The following AUTS2 variants were observed in gnomAD, a reference collection of about 807,000 sequenced individuals.
The protein encoded by AUTS2 is autism susceptibility gene 2 protein.
A neutral mutation model predicts 112.4 loss-of-function variants in AUTS2; 17 were observed. The ratio of observed to expected loss-of-function variants is 0.15; its 90% CI spans 0.10 to 0.23. The LOEUF (loss-of-function observed/expected upper bound fraction) is 0.23. AUTS2 is among the 10% of genes least tolerant of loss of function. AUTS2 has a pLI of 1.00. For synonymous variants in AUTS2, 751 were observed against 702.7 expected (o/e 1.07, Z -1.09); for missense variants, 1,510 against 1,701.6 (o/e 0.89, Z 1.98).
intron 4 of AUTS2, among the ~76,000 whole-genome samples, chr7:70,335,042 G>C (rs764593884): frequency 1.3e-5 from 2 of 152,152 alleles, no homozygotes; most frequent in Non-Finnish European, 2.9e-5. Flanking sequence ...CAGGGAGACA[G>C]ATGGAACCTC....
chr7:70,789,394 GATTGCCACATC>G (rs1791727866), intron 18 of AUTS2, among the ~76,000 whole-genome samples: 1 of 152,180 alleles, frequency 6.6e-6, no homozygotes, highest in South Asian at 2.1e-4. Context: ...AGTCGGGCTG[GATTGCCACATC>G]ATTGCCTTAT....
chr7:69,872,963 C>A (rs935728465), intron 1 of AUTS2, among the ~76,000 whole-genome samples: 1 of 150,412 alleles, frequency 6.6e-6, no homozygotes. Context: ...CTGCCTCAGC[C>A]TCCCGAGTAG....
At chr7:70,486,890 T>C (rs1028742447) in intron 5 of AUTS2, among the ~76,000 whole-genome samples, 1 of 116,896 alleles carries the variant, frequency 8.6e-6, no homozygotes, top group African/African-American at 3.2e-5. Flanking sequence ...TTTTGTTGTT[T>C]TTGTATTCCC....
intron 5 of AUTS2, among the ~76,000 whole-genome samples, chr7:70,643,167 A>G (rs565338656): frequency 4.5e-4 from 68 of 152,360 alleles, no homozygotes; most frequent in Non-Finnish European, 7.3e-4. Context: ...CTTTTGCATG[A>G]CAATGATACT....
chr7:69,923,458 G>T (rs762286426), intron 2 of AUTS2, among the ~76,000 whole-genome samples: 1 of 152,068 alleles, frequency 6.6e-6, no homozygotes, highest in Non-Finnish European at 1.5e-5. Context: ...TTTCACTAGC[G>T]TATGACTTTT....
intron 5 of AUTS2, among the ~76,000 whole-genome samples, chr7:70,554,770 G>A (rs942303501): frequency 6.6e-6 from 1 of 152,150 alleles, no homozygotes; most frequent in Non-Finnish European, 1.5e-5. Context: ...AGCTGTCCAG[G>A]ACCCAGAGCT....
intron 5 of AUTS2, among the ~76,000 whole-genome samples, chr7:70,458,641 G>C (rs1021025583): frequency 6.6e-6 from 1 of 152,166 alleles, no homozygotes; most frequent in African/African-American, 2.4e-5. Context: ...CGGGAGGCAT[G>C]TTCCACCTCC....
At chr7:69,608,475 AG>A (rs1792853207) in intron 1 of AUTS2, among the ~76,000 whole-genome samples, 1 of 152,226 alleles carries the variant, frequency 6.6e-6, no homozygotes, top group Admixed American at 6.5e-5. Context: ...AGTATTTCTT[AG>A]TTGTTATGTT....
intron 1 of AUTS2, among the ~76,000 whole-genome samples, chr7:69,695,457 CAAA>C (rs1005972901): frequency 6.6e-6 from 1 of 151,776 alleles, no homozygotes; most frequent in Non-Finnish European, 1.5e-5. Context: ...AAATATAAAA[CAAA>C]AAAATTATTA....
At chr7:69,714,249 ATGTGTG>A (rs200192496) in intron 1 of AUTS2, among the ~76,000 whole-genome samples, 20 of 92,866 alleles carry the variant, frequency 2.2e-4, no homozygotes, top group Middle Eastern at 5.0e-3. Context: ...GTGTGTGTAT[ATGTGTG>A]TGTGTGTGTG....
intron 2 of AUTS2, among the ~76,000 whole-genome samples, chr7:70,073,822 A>G (rs1312933694): frequency 6.6e-6 from 1 of 152,212 alleles, no homozygotes. Context: ...GAGAATTACC[A>G]TCTAGGCCAA....
chr7:70,059,100 G>A (rs1421798853), intron 2 of AUTS2, among the ~76,000 whole-genome samples: 1 of 152,046 alleles, frequency 6.6e-6, no homozygotes, highest in Admixed American at 6.5e-5. Context: ...AATATAAAAC[G>A]GCATGTACTC....
chr7:70,788,596 C>CA (rs1424813462), intron 18 of AUTS2, among the ~76,000 whole-genome samples: 2 of 152,214 alleles, frequency 1.3e-5, no homozygotes, highest in Non-Finnish European at 2.9e-5. Flanking sequence ...AGGATGTGGC[C>CA]ACCAGCCCTT....
chr7:69,664,804 C>G (rs1423592092), intron 1 of AUTS2, among the ~76,000 whole-genome samples: 1 of 152,182 alleles, frequency 6.6e-6, no homozygotes, highest in Non-Finnish European at 1.5e-5. Flanking sequence ...CATTTATTGT[C>G]TTTTTCTTCC....
At chr7:70,070,402 G>A (rs6957126) in intron 2 of AUTS2, among the ~76,000 whole-genome samples, 49,195 of 145,816 alleles carry the variant, frequency 0.34, 8,386 homozygotes, top group Middle Eastern at 0.39. Flanking sequence ...GCAAAACCCC[G>A]TCTCTTAAAA....
At chr7:70,331,523 T>TA (rs1369808365) in intron 4 of AUTS2, among the ~76,000 whole-genome samples, 1 of 151,888 alleles carries the variant, frequency 6.6e-6, no homozygotes, top group African/African-American at 2.4e-5. Flanking sequence ...TTGATTTTTT[T>TA]TTTTTTTGAA....
At chr7:69,656,532 T>C (rs988957034) in intron 1 of AUTS2, among the ~76,000 whole-genome samples, 1 of 152,224 alleles carries the variant, frequency 6.6e-6, no homozygotes, top group African/African-American at 2.4e-5. Context: ...ACATAGGGCA[T>C]GTTGGCCAGA....
intron 5 of AUTS2, among the ~76,000 whole-genome samples, chr7:70,449,319 A>C (rs1796437373): frequency 6.6e-6 from 1 of 152,152 alleles, no homozygotes. Context: ...CTCCTTTTCC[A>C]CTGCCATTGC....
chr7:70,057,363 C>T (rs1286960624), intron 2 of AUTS2, among the ~76,000 whole-genome samples: 1 of 152,170 alleles, frequency 6.6e-6, no homozygotes, highest in Non-Finnish European at 1.5e-5. Context: ...TGGAGATTTT[C>T]AGGAGCATCA....
Sources: allele counts gnomAD v4.1 joint callset (sites outside exome capture counted in the v4.1 genomes callset), GRCh38; gene constraint gnomAD v4.1.1; transcripts MANE v1.5; gene names NCBI Gene and HGNC (gene_info 2026-07-23, HGNC 2026-07-21).